The following ZNF273 variants were observed in gnomAD, a reference collection of about 807,000 sequenced individuals.
The protein encoded by ZNF273 is zinc finger protein 9.
In ZNF273, 11 loss-of-function variants were observed where a neutral mutation model predicts 14.9. The ratio of observed to expected loss-of-function variants is 0.74; its 90% CI spans 0.46 to 1.22. The LOEUF (loss-of-function observed/expected upper bound fraction) is 1.22, where lower values mean the gene tolerates loss of function less well. Ranked by LOEUF, ZNF273 falls within the 50% of genes most tolerant of loss-of-function variation. The probability of loss-of-function intolerance (pLI) is 0.00; values close to 1 mark genes in which losing one functional copy is unlikely to be tolerated. For synonymous variants in ZNF273, 199 were observed against 223.9 expected (o/e 0.89, Z 0.99); for missense variants, 577 against 660.6 (o/e 0.87, Z 1.39).
At chr7:64,883,224 C>T (rs1047667244), downstream of ZNF273, among the ~76,000 whole-genome samples, 2 of 134,746 alleles carry the variant, frequency 1.5e-5, no homozygotes, top group Admixed American at 7.6e-5. Flanking sequence ...ACCCCCCCCT[C>T]ACCAAGCAGC....
Position 64,926,450 on chromosome 7 carries a change from T to C in ZNF273, c.326-1204T>C, listed in dbSNP as rs78710845. 9.2e-3 allele frequency among the ~76,000 whole-genome samples: 1,399 copies of C among 152,232 alleles called. 16 individuals are homozygous for C. The highest frequency in any genetic ancestry group is 0.032 in the African/African-American group (1,328 of 41,568). On this transcript the variant is annotated intron_variant, in intron 3 of 3. Transcript: ENST00000476120. ...GTCATTTTACCTTAACAATTTGTTT[T>C]TGATATTTTTAACACTTGTTTTTAT...
upstream of ZNF273, among the ~76,000 whole-genome samples, chr7:64,900,407 A>C (rs1217313959): frequency 6.6e-6 from 1 of 152,138 alleles, no homozygotes; most frequent in Non-Finnish European, 1.5e-5. Flanking sequence ...GGTACAGGAG[A>C]TAGAAAGAAA....
rs762591548 is a variant in ZNF273, at chr7:64,903,413, A to G, written c.96A>G (p.Leu32=). 2 of 1,612,070 alleles carry G rather than the reference A, an allele frequency of 1.2e-6. No individual in the cohort carries two copies. The highest frequency in any genetic ancestry group is 1.7e-6 in the Non-Finnish European group (2 of 1,178,448). The change falls in exon 1 of 4, where the codon CTA becomes CTG. Residue 32 remains leucine, a synonymous_variant. Coordinates refer to ENST00000476120, the MANE Select transcript of ZNF273 (RefSeq NM_021148.3). ...AGACGCCAGGACTCCCTGGAAGCCTAGAAATGGTGAGAGTGCCGGGTCCCA... is the reference window on the plus strand; with the variant it reads ...AGACGCCAGGACTCCCTGGAAGCCTGGAAATGGTGAGAGTGCCGGGTCCCA... The part of the protein sequence containing the change: ...TAKTPGLPGS[L]EMGPLTFRDV...
At chr7:64,916,530 G>T (rs1348312051) in intron 1 of ZNF273, among the ~76,000 whole-genome samples, 1 of 118,046 alleles carries the variant, frequency 8.5e-6, no homozygotes, top group Non-Finnish European at 1.6e-5. Context: ...GGGCAAGGGA[G>T]CAAAACTGTC....
upstream of ZNF273, among the ~76,000 whole-genome samples, chr7:64,899,923 G>A (rs1044421093): frequency 3.3e-5 from 5 of 149,776 alleles, no homozygotes; most frequent in African/African-American, 1.2e-4. Context: ...ACCAAGCCTG[G>A]CTAATTTTGT....
downstream of ZNF273, among the ~76,000 whole-genome samples, chr7:64,880,396 C>T (rs1237101263): frequency 6.6e-6 from 1 of 152,118 alleles, no homozygotes; most frequent in East Asian, 1.9e-4. Flanking sequence ...GGCTGCCCTC[C>T]CCAGGAGGGG....
downstream of ZNF273, among the ~76,000 whole-genome samples, chr7:64,894,315 T>TC (rs1486031082): frequency 2.6e-5 from 4 of 152,026 alleles, no homozygotes; most frequent in Non-Finnish European, 5.9e-5. Context: ...AATCATTTGT[T>TC]TTTTTAAAGT....
chr7:64,887,130 T>C (rs532019453), intron 1 of ZNF273, among the ~76,000 whole-genome samples: 3 of 152,358 alleles, frequency 2.0e-5, no homozygotes, highest in Non-Finnish European at 4.4e-5. Flanking sequence ...GACTGAGGTC[T>C]CATGTGGATC....
intron 1 of ZNF273, among the ~76,000 whole-genome samples, chr7:64,904,583 A>T (rs1792960365): frequency 6.6e-6 from 1 of 152,184 alleles, no homozygotes; most frequent in Non-Finnish European, 1.5e-5. Flanking sequence ...GCTTGCAGTA[A>T]AATACCAAAT....
chr7:64,912,826 G>GTTTTTTTTTTTTT (rs71061324), intron 1 of ZNF273, among the ~76,000 whole-genome samples: 1,339 of 36,430 alleles, frequency 0.037, 297 homozygotes, highest in South Asian at 0.063. Flanking sequence ...ATTCATTTTA[G>GTTTTTTTTTTTTT]TTTTTTTTTT....
At chr7:64,932,547 G>A (rs188755819), downstream of ZNF273, among the ~76,000 whole-genome samples, 1,621 of 152,096 alleles carry the variant, frequency 0.011, 30 homozygotes, top group African/African-American at 0.035. Context: ...TAGGTGATCC[G>A]CCCACCTCCG....
intron 1 of ZNF273, among the ~76,000 whole-genome samples, chr7:64,904,845 A>C (rs1471317504): frequency 6.6e-6 from 1 of 152,118 alleles, no homozygotes; most frequent in Non-Finnish European, 1.5e-5. Flanking sequence ...CAGAGATCTT[A>C]CCAAAATGTT....
At chr7:64,919,131 A>G (rs1794245373) in intron 3 of ZNF273, among the ~76,000 whole-genome samples, 1 of 152,090 alleles carries the variant, frequency 6.6e-6, no homozygotes, top group African/African-American at 2.4e-5. Flanking sequence ...TTTCCTCAAG[A>G]TTGCTTTGGC....
chr7:64,906,609 A>C (rs1287819498), intron 1 of ZNF273, among the ~76,000 whole-genome samples: 1 of 152,128 alleles, frequency 6.6e-6, no homozygotes, highest in Middle Eastern at 3.2e-3. Context: ...TTAAAGGCCC[A>C]GTTAGGTTCT....
rs144483890 is a variant in ZNF273, at chr7:64,921,542, G to A, written c.325+3250G>A. ...ACAGATAGATACATATAATAGTTAT[G>A]GATTCCTGGTAAATTGACCTATTTT... On this transcript the variant is annotated intron_variant, in intron 3 of 3. Coordinates refer to ENST00000476120, the MANE Select transcript of ZNF273 (RefSeq NM_021148.3). Among the ~76,000 whole-genome samples the A allele has an allele frequency of 3.4e-3, 489 of 144,190 alleles. 4 individuals carry two copies. Among genetic ancestry groups the A allele is most frequent in the East Asian group, 9.8e-3 (47 of 4,772 alleles). 94.6% of individuals were successfully genotyped at this position (144,190 alleles called of 152,430 possible).
chr7:64,914,383 A>G (rs2129074381), intron 1 of ZNF273, among the ~76,000 whole-genome samples: 1 of 150,036 alleles, frequency 6.7e-6, no homozygotes, highest in African/African-American at 2.4e-5. Context: ...ATTACTTATT[A>G]TTTTTATTTC....
chr7:64,910,814 G>A (rs550214841), intron 1 of ZNF273, among the ~76,000 whole-genome samples: 28 of 142,420 alleles, frequency 2.0e-4, no homozygotes, highest in Non-Finnish European at 4.1e-4. Context: ...TGCCCAGGCT[G>A]GAGTGCAATG....
intron 1 of ZNF273, among the ~76,000 whole-genome samples, chr7:64,916,818 C>G (rs1346492144): frequency 6.6e-6 from 1 of 151,594 alleles, no homozygotes; most frequent in Non-Finnish European, 1.5e-5. Context: ...CACATGTAAC[C>G]CAGAACTTAA....
downstream of ZNF273, among the ~76,000 whole-genome samples, chr7:64,931,311 C>T (rs907121253): frequency 5.9e-5 from 9 of 152,140 alleles, no homozygotes; most frequent in African/African-American, 2.2e-4. Context: ...AATATTATGG[C>T]TTATGGTTCA....
Sources: allele counts gnomAD v4.1 joint callset (sites outside exome capture counted in the v4.1 genomes callset), GRCh38; gene constraint gnomAD v4.1.1; transcripts MANE v1.5; gene names NCBI Gene and HGNC (gene_info 2026-07-23, HGNC 2026-07-21).